The following KIF24 variants were observed in gnomAD, a reference collection of about 807,000 sequenced individuals.
The protein encoded by KIF24 is kinesin family member 24.
Under a neutral mutation model 118.9 loss-of-function variants are expected in KIF24, and 81 were observed. The ratio of observed to expected loss-of-function variants is 0.68; its 90% confidence interval spans 0.57 to 0.82. KIF24 has a LOEUF of 0.82. Ranked by LOEUF, KIF24 falls within the 40% of genes least tolerant of loss-of-function variation. The pLI is 0.00. For synonymous variants in KIF24, 599 were observed against 610.0 expected (o/e 0.98, Z 0.27); for missense variants, 1,560 against 1,661.6 (o/e 0.94, Z 1.06).
intron 1 of KIF24, among the ~76,000 whole-genome samples, chr9:34,320,280 A>G (rs1432394007): frequency 1.3e-5 from 2 of 151,608 alleles, no homozygotes; most frequent in Non-Finnish European, 2.9e-5. Context: ...CTTTGTTACT[A>G]TCAAACCAAG....
chr9:34,256,576 C>A lies in KIF24; in HGVS notation c.3031G>T (p.Val1011Phe). Residue 1011 changes from valine to phenylalanine, a missense_variant, in exon 11 of 13, where the codon GTC becomes TTC. By Grantham distance (50) the Val-to-Phe change is conservative (BLOSUM62 -1). This residue lies in a region of KIF24 where 591 missense variants were observed against 655.6 expected (regional missense o/e 0.90). Coordinates refer to ENST00000402558, the MANE Select transcript of KIF24 (RefSeq NM_194313.4). ...RDTVTTPLRE[V>F]SADGPIQVTS... ...ACCTGGATTGGGCCGTCTGCACTGACTTCTCTCAGAGGTGTGGTGACTGTG... is the reference window on the plus strand; with the variant it reads ...ACCTGGATTGGGCCGTCTGCACTGAATTCTCTCAGAGGTGTGGTGACTGTG... 6.2e-7 allele frequency: 1 copy of A among 1,613,998 alleles called. No individual in the cohort carries two copies. Among genetic ancestry groups the A allele is most frequent in the Non-Finnish European group, 8.5e-7 (1 of 1,179,900 alleles).
intron 2 of KIF24, among the ~76,000 whole-genome samples, chr9:34,308,949 T>C (rs1387401679): frequency 6.6e-6 from 1 of 151,960 alleles, no homozygotes; most frequent in Non-Finnish European, 1.5e-5. Context: ...GGGACAGTGG[T>C]GCATACCTGT....
chr9:34,315,591 T>G (rs1003988851), intron 1 of KIF24, among the ~76,000 whole-genome samples: 10 of 152,342 alleles, frequency 6.6e-5, no homozygotes, highest in Non-Finnish European at 1.0e-4. Context: ...CCAGAGATAA[T>G]GTAAGATGGT....
rs756003155 is a variant in KIF24, at chr9:34,256,500, C to T, written c.3107G>A (p.Gly1036Glu). ...ATATTCAGCATGCGTGCCTAACTGC[C>T]CCCTAGGATCCTCTCCTGGGACAGC... ...GHAVPGEDPRGQLGTHAEYAS... is the reference protein window; with the variant it reads ...GHAVPGEDPREQLGTHAEYAS... Residue 1036 changes from glycine to glutamate, a missense_variant, in exon 11 of 13, where the codon GGG (glycine) becomes GAG (glutamate). This residue lies in a region of KIF24 where 591 missense variants were observed against 655.6 expected (regional missense o/e 0.90). Coordinates refer to ENST00000402558, the MANE Select transcript of KIF24 (RefSeq NM_194313.4). The T allele has an allele frequency of 9.9e-6, 16 of 1,613,562 alleles. No homozygotes were observed. The highest frequency in any genetic ancestry group is 1.3e-5 in the African/African-American group (1 of 74,956).
chr9:34,260,599 C>T (rs1353132113), intron 9 of KIF24, among the ~76,000 whole-genome samples: 2 of 152,168 alleles, frequency 1.3e-5, no homozygotes, highest in Non-Finnish European at 1.5e-5. Flanking sequence ...CTTCTTTATA[C>T]TTGTATGTAC....
At chr9:34,270,846 G>A (rs1409309916) in intron 7 of KIF24, among the ~76,000 whole-genome samples, 1 of 150,338 alleles carries the variant, frequency 6.7e-6, no homozygotes, top group African/African-American at 2.4e-5. Context: ...ACCAGCCTGG[G>A]CAAAACAGAG....
Position 34,257,850 on chromosome 9 carries a change from T to C in KIF24, c.1757A>G (p.Lys586Arg), listed in dbSNP as rs1164753179. The C allele has an allele frequency of 6.2e-7, 1 of 1,614,020 alleles. No individual in the cohort carries two copies. Among genetic ancestry groups the C allele is most frequent in the Non-Finnish European group, 8.5e-7 (1 of 1,179,882 alleles). Residue 586 changes from lysine (K) to arginine (R), a missense_variant, in exon 11 of 13, where the codon AAA becomes AGA. Physicochemically the swap from Lys to Arg is conservative, Grantham distance 26. This residue lies in a region of KIF24 where 964 missense variants were observed against 988.0 expected (regional missense o/e 0.98). Coordinates refer to ENST00000402558, the MANE Select transcript of KIF24 (RefSeq NM_194313.4). The stretch of plus-strand genomic sequence containing the variant: ...CTGCTGAAATCCCAGCTTGACTTTT[T>C]TGGGAGAACATTTGTCCTCTGACAA... ...GALSEDKCSPKKVKLGFQQSL... is the reference protein window; with the variant it reads ...GALSEDKCSPRKVKLGFQQSL...
rs781781446 is a variant in KIF24 at position 34,290,124 on chromosome 9, G to C, written c.1127+50C>G. Reference sequence around the variant, plus strand: ...GATTCAGTGATTCTCCGGGACTCTGGCTTAAAATAGCGATGAACAGATTTA... The same window carrying C: ...GATTCAGTGATTCTCCGGGACTCTGCCTTAAAATAGCGATGAACAGATTTA... On this transcript the variant is annotated intron_variant, in intron 5 of 12. Transcript: ENST00000402558. The C allele has an allele frequency of 3.5e-5, 47 of 1,341,252 alleles. 1 individual carries two copies. Among genetic ancestry groups the C allele is most frequent in the Non-Finnish European group, 2.1e-5 (20 of 941,232 alleles). The allele number at this position is 1,341,252 out of a possible 1,614,324, so 83.1% of individuals were successfully genotyped here.
At chr9:34,297,167 T>G (rs1836516333) in intron 3 of KIF24, 53 bp from the exon 4 acceptor site, 2 of 1,076,296 alleles carry the variant, frequency 1.9e-6, no homozygotes, top group Non-Finnish European at 2.8e-6. Flanking sequence ...ATTTTCTTAA[T>G]CACTATTCTA....
At chr9:34,306,190 A>G (rs544024347) in intron 3 of KIF24, 62 bp downstream of exon 3, 2 of 1,208,372 alleles carry the variant, frequency 1.7e-6, no homozygotes, top group African/African-American at 3.0e-5. Flanking sequence ...CTCAAACAAA[A>G]AGCAAAAAAA....
At chr9:34,299,825 T>TGTGTGTGTGTGTGTGC (rs1370346025) in intron 3 of KIF24, among the ~76,000 whole-genome samples, 1 of 31,694 alleles carries the variant, frequency 3.2e-5, no homozygotes, top group East Asian at 1.3e-3. Context: ...TGTGTGTGCG[T>TGTGTGTGTGTGTGTGC]GTGTGTGTGT....
At chr9:34,277,299 T>C (rs1165707728) in intron 6 of KIF24, among the ~76,000 whole-genome samples, 2 of 152,084 alleles carry the variant, frequency 1.3e-5, no homozygotes, top group Non-Finnish European at 1.5e-5. Flanking sequence ...GTCTGACTAA[T>C]AAGGAACACA....
intron 6 of KIF24, among the ~76,000 whole-genome samples, chr9:34,285,699 C>T (rs1241070418): frequency 1.3e-5 from 2 of 149,044 alleles, no homozygotes; most frequent in South Asian, 2.1e-4. Context: ...GGCATGAACC[C>T]GGGAGGCAGA....
intron 1 of KIF24, among the ~76,000 whole-genome samples, chr9:34,313,638 T>C (rs1042948741): frequency 5.3e-5 from 8 of 151,602 alleles, no homozygotes; most frequent in African/African-American, 1.9e-4. Context: ...TAAACTCTAT[T>C]TTCTAGAGCA....
chr9:34,298,750 T>C (rs1467499992), intron 3 of KIF24, among the ~76,000 whole-genome samples: 1 of 152,036 alleles, frequency 6.6e-6, no homozygotes, highest in Non-Finnish European at 1.5e-5. Context: ...CTATGAATGG[T>C]TTGAGAACAG....
At chr9:34,301,816 A>G (rs1249324714) in intron 3 of KIF24, among the ~76,000 whole-genome samples, 2 of 152,062 alleles carry the variant, frequency 1.3e-5, no homozygotes, top group Non-Finnish European at 2.9e-5. Context: ...CAGCCTGGGC[A>G]ACAGAACAAG....
At chr9:34,307,306 C>T (rs548904610) in intron 2 of KIF24, among the ~76,000 whole-genome samples, 33 of 152,096 alleles carry the variant, frequency 2.2e-4, no homozygotes, top group African/African-American at 8.0e-4. Flanking sequence ...CTCAAGCAAT[C>T]CTCCCATTTT....
At chr9:34,307,679 G>C (rs956957835) in intron 2 of KIF24, among the ~76,000 whole-genome samples, 3 of 152,002 alleles carry the variant, frequency 2.0e-5, no homozygotes, top group African/African-American at 7.2e-5. Context: ...TCGAGAGGCT[G>C]AGGCGGGCAG....
intron 3 of KIF24, 60 bp from the exon 4 acceptor site, chr9:34,297,174 T>G (rs1473323442): frequency 2.0e-6 from 2 of 1,001,102 alleles, no homozygotes; most frequent in Non-Finnish European, 3.0e-6. Flanking sequence ...TAATCACTAT[T>G]CTAGTTAACA....
Sources: allele counts gnomAD v4.1 joint callset (sites outside exome capture counted in the v4.1 genomes callset), GRCh38; gene constraint gnomAD v4.1.1; regional missense constraint gnomAD v4.1.1; transcripts MANE v1.5; gene names NCBI Gene and HGNC (gene_info 2026-07-23, HGNC 2026-07-21).